ERC2: variants seen among roughly 807,000 people sequenced by gnomAD.
ERC2 encodes the protein ERC protein 2.
Under a neutral mutation model 114.8 loss-of-function variants are expected in ERC2, and 42 were observed. The observed-to-expected ratio is 0.37, with a 90% CI of 0.29 to 0.47. The LOEUF (loss-of-function observed/expected upper bound fraction) is 0.47, where lower values mean the gene tolerates loss of function less well. Ranked by LOEUF, ERC2 falls within the 20% of genes least tolerant of loss-of-function variation. ERC2 has a pLI of 0.99. For synonymous variants in ERC2, 454 were observed against 425.5 expected, an observed-to-expected ratio of 1.07 and a Z score of -0.82; for missense variants, 939 against 1,150.7, an observed-to-expected ratio of 0.82 and a Z score of 2.66.
intron 1 of ERC2, among the ~76,000 whole-genome samples, chr3:56,435,928 G>T (rs1469727107): frequency 6.6e-6 from 1 of 152,118 alleles, no homozygotes; most frequent in African/African-American, 2.4e-5. Flanking sequence ...TTCCCATTTT[G>T]GTTGACCTTA....
chr3:55,541,855 T>G (rs528644266), intron 17 of ERC2, among the ~76,000 whole-genome samples: 168 of 152,366 alleles, frequency 1.1e-3, no homozygotes, highest in African/African-American at 3.8e-3. Context: ...TGTGTTAATA[T>G]GCCAAGTCAA....
Position 56,104,806 on chromosome 3 carries a change from C to T in ERC2, c.1474-23822G>A, listed in dbSNP as rs376862665. 2.6e-5 allele frequency among the ~76,000 whole-genome samples: 4 copies of T among 152,216 alleles called. No homozygotes were observed. The East Asian group carries it at 5.8e-4, about 22-fold the overall frequency. ...GCACTGTTCTGGATGTTAGGAATATCAGTGAACAAAATAGTTTTCAGTCTA... is the reference window on the plus strand; with the variant it reads ...GCACTGTTCTGGATGTTAGGAATATTAGTGAACAAAATAGTTTTCAGTCTA... On this transcript the variant is annotated intron_variant, in intron 6 of 17. Coordinates refer to ENST00000288221, the MANE Select transcript of ERC2 (RefSeq NM_015576.3).
intron 4 of ERC2, among the ~76,000 whole-genome samples, chr3:56,172,038 T>G (rs1348229917): frequency 6.6e-6 from 1 of 151,304 alleles, no homozygotes; most frequent in Non-Finnish European, 1.5e-5. Context: ...TCCTCTTTTT[T>G]TTTTTTTAAA....
At chr3:56,081,009 G>A in intron 6 of ERC2, 25 bp from the exon 7 acceptor site, 1 of 1,607,256 alleles carries the variant, frequency 6.2e-7, no homozygotes, top group Non-Finnish European at 8.5e-7. Flanking sequence ...AAGACAGAAG[G>A]TTGTGGTTTT....
At chr3:56,361,799 T>C (rs2058967598) in intron 2 of ERC2, among the ~76,000 whole-genome samples, 1 of 152,132 alleles carries the variant, frequency 6.6e-6, no homozygotes, top group Non-Finnish European at 1.5e-5. Context: ...TTTTCTGCAT[T>C]TTCCCCTGGG....
At chr3:56,065,312 T>C (rs1311320719) in intron 7 of ERC2, among the ~76,000 whole-genome samples, 2 of 151,882 alleles carry the variant, frequency 1.3e-5, no homozygotes. Context: ...AGCCTCAACC[T>C]CCCGGACTCA....
intron 17 of ERC2, among the ~76,000 whole-genome samples, chr3:55,604,648 C>A (rs2058563433): frequency 6.6e-6 from 1 of 152,122 alleles, no homozygotes; most frequent in Non-Finnish European, 1.5e-5. Context: ...TTGAGCTAAG[C>A]ATTTACGTTT....
Position 56,055,025 on chromosome 3 carries a change from G to A in ERC2, c.1641+25792C>T, listed in dbSNP as rs761678819. On this transcript the variant is annotated intron_variant, in intron 7 of 17. Transcript: ENST00000288221. ...ACTGAGGCTCGGAAAGACAATGCGC[G>A]TGTTAGGTTGCAGCATTCATTACCT... 3.9e-5 allele frequency among the ~76,000 whole-genome samples: 6 copies of A among 152,172 alleles called. No individual in the cohort carries two copies. The South Asian group carries it at 8.3e-4, about 21-fold the overall frequency.
intron 17 of ERC2, among the ~76,000 whole-genome samples, chr3:55,562,056 C>T (rs1460856167): frequency 6.6e-6 from 1 of 152,232 alleles, no homozygotes; most frequent in Non-Finnish European, 1.5e-5. Flanking sequence ...AATACAGCAT[C>T]TTGATAGCAT....
chr3:56,225,822 T>C (rs1349495975), intron 3 of ERC2, among the ~76,000 whole-genome samples: 1 of 152,042 alleles, frequency 6.6e-6, no homozygotes, highest in African/African-American at 2.4e-5. Flanking sequence ...TGAAGAAAAA[T>C]AGGATGTCAT....
At chr3:56,327,804 C>T (rs2057433248) in intron 2 of ERC2, among the ~76,000 whole-genome samples, 1 of 152,146 alleles carries the variant, frequency 6.6e-6, no homozygotes, top group Non-Finnish European at 1.5e-5. Flanking sequence ...ACAATCCTTC[C>T]AGTTTATATG....
In ERC2 at chr3:56,033,050, AAG is replaced by A. The variant is rs1553782374; in HGVS notation, c.1642-14021_1642-14020del. Among the ~76,000 whole-genome samples, 930 of 106,390 alleles carry A rather than the reference AAG, an allele frequency of 8.7e-3. 16 individuals are homozygous for A. Among genetic ancestry groups the A allele is most frequent in the Middle Eastern group, 0.013 (2 of 154 alleles). The allele number at this position is 106,390 out of a possible 152,430, so 69.8% of individuals were successfully genotyped here. ...AGAAACAGAAAGAAAGAAAGAAAGA[AAG>A]AAAGAAAGAAAGAAAGAAAGAAAGA... On this transcript the variant is annotated intron_variant, in intron 7 of 17. Transcript: ENST00000288221.
intron 3 of ERC2, among the ~76,000 whole-genome samples, chr3:56,263,639 AAT>A (rs2053094660): frequency 6.6e-6 from 1 of 152,194 alleles, no homozygotes; most frequent in Non-Finnish European, 1.5e-5. Context: ...TGACCAAACC[AAT>A]AACAAATATA....
intron 3 of ERC2, among the ~76,000 whole-genome samples, chr3:56,210,996 C>T (rs1393810749): frequency 6.6e-6 from 1 of 152,118 alleles, no homozygotes; most frequent in Non-Finnish European, 1.5e-5. Context: ...GGGATGAAAA[C>T]ACTATAGATA....
At chr3:55,783,436 T>A (rs1043016412) in intron 14 of ERC2, among the ~76,000 whole-genome samples, 2 of 152,248 alleles carry the variant, frequency 1.3e-5, no homozygotes, top group Non-Finnish European at 2.9e-5. Context: ...TGAACAAATG[T>A]TATTTCTCTG....
chr3:55,553,011 ATTTTTTT>A (rs66602607), intron 17 of ERC2, among the ~76,000 whole-genome samples: 16 of 55,222 alleles, frequency 2.9e-4, no homozygotes, highest in South Asian at 1.8e-3. Context: ...GGGCTTCCAG[ATTTTTTT>A]TTTTTTTTTT....
At chr3:55,670,773 C>T (rs1380563505) in intron 17 of ERC2, among the ~76,000 whole-genome samples, 1 of 152,146 alleles carries the variant, frequency 6.6e-6, no homozygotes, top group African/African-American at 2.4e-5. Context: ...ATTCAGCTAG[C>T]CACTGGTTTT....
At chr3:55,836,494 G>A (rs2060890475) in intron 14 of ERC2, among the ~76,000 whole-genome samples, 5 of 152,186 alleles carry the variant, frequency 3.3e-5, no homozygotes, top group Admixed American at 3.3e-4. Flanking sequence ...AGAAAAACAA[G>A]CAATGGGGAA....
intron 14 of ERC2, among the ~76,000 whole-genome samples, chr3:55,768,108 T>C (rs186002845): frequency 1.3e-5 from 2 of 152,230 alleles, no homozygotes; most frequent in Non-Finnish European, 2.9e-5. Context: ...CCTTCTACTA[T>C]GATTGTAAGT....
Sources: allele counts gnomAD v4.1 joint callset (sites outside exome capture counted in the v4.1 genomes callset), GRCh38; gene constraint gnomAD v4.1.1; transcripts MANE v1.5; gene names NCBI Gene and HGNC (gene_info 2026-07-23, HGNC 2026-07-21).